Variants in VEZT observed in about 807,000 individuals in gnomAD.
The protein encoded by VEZT is vezatin, adherens junctions transmembrane protein, also known as vezatin.
Under a neutral mutation model 79.9 loss-of-function variants are expected in VEZT, and 39 were observed. The ratio of observed to expected loss-of-function variants is 0.49; its 90% CI spans 0.38 to 0.64. The LOEUF is 0.64. VEZT is among the 30% of genes least tolerant of loss of function. The pLI is 0.00. For missense variants in VEZT, 837 were observed against 893.1 expected, an observed-to-expected ratio of 0.94 and a Z score of 0.80; for synonymous variants, 325 against 327.6, an observed-to-expected ratio of 0.99 and a Z score of 0.09.
chr12:95,239,948 A>AAGAGAGAGAGAGAG (rs140000740), intron 1 of VEZT, among the ~76,000 whole-genome samples: 1 of 119,878 alleles, frequency 8.3e-6, no homozygotes, highest in Non-Finnish European at 1.7e-5. Flanking sequence ...GGAGACTCGA[A>AAGAGAGAGAGAGAG]AGAGAGAGAG....
At position 95,302,050 on chromosome 12, in the gene VEZT, C is replaced by T. The variant is rs2075272409; in HGVS notation, c.*1377C>T. 3 of 152,116 alleles carry T rather than the reference C, an allele frequency of 2.0e-5. No homozygotes were observed. In the South Asian group the frequency reaches 6.2e-4, roughly 32 times the overall value. The allele number at this position is 152,116 out of a possible 1,614,324, so 9.4% of individuals were successfully genotyped here. On this transcript the variant is annotated 3_prime_UTR_variant, in exon 12 of 12. Transcript: ENST00000436874. Reference sequence around the variant, plus strand: ...CTTCGGAGCAATACCTTAGGTTGGGCCTTGCTTTACTACTTAGAAATAGCT... The same window carrying T: ...CTTCGGAGCAATACCTTAGGTTGGGTCTTGCTTTACTACTTAGAAATAGCT...
At chr12:95,284,444 C>G (rs2070050406) in intron 8 of VEZT, among the ~76,000 whole-genome samples, 1 of 152,192 alleles carries the variant, frequency 6.6e-6, no homozygotes, top group South Asian at 2.1e-4. Flanking sequence ...CTCCCCACCT[C>G]CAGGGTGTGT....
chr12:95,249,125 T>G (rs1211462917), intron 1 of VEZT, among the ~76,000 whole-genome samples: 1 of 152,132 alleles, frequency 6.6e-6, no homozygotes, highest in African/African-American at 2.4e-5. Flanking sequence ...GCAAACTTGA[T>G]TAGTTGTGAC....
At chr12:95,245,671 G>C in intron 1 of VEZT, 1 of 410,104 alleles carries the variant, frequency 2.4e-6, no homozygotes, top group South Asian at 1.8e-5. Flanking sequence ...CAGTTTAAAA[G>C]AGTGAAGCTA....
In VEZT at chr12:95,266,537, A is replaced by G; in HGVS notation, c.615A>G (p.Glu205=). ...VTLKKYSVHL[E]DMATNSRAFT... ...TAAAAAAATACAGCGTTCATTTGGA[A>G]GATATGGCCACAAACAGCCGAGCTT... The change falls in exon 5 of 12, where the codon GAA becomes GAG. Residue 205 remains glutamate (E), a synonymous_variant. Transcript: ENST00000436874. 1 of 1,613,988 alleles carries G rather than the reference A, an allele frequency of 6.2e-7. No individual in the cohort carries two copies. Among genetic ancestry groups the G allele is most frequent in the Non-Finnish European group, 8.5e-7 (1 of 1,179,884 alleles).
chr12:95,263,201 T>A, intron 4 of VEZT, 120 bp downstream of exon 4: 1 of 954,660 alleles, frequency 1.0e-6, no homozygotes, highest in Non-Finnish European at 1.5e-6. Flanking sequence ...GCAGTACAAT[T>A]AAAGTAACAA....
At chr12:95,230,165 T>G (rs1178515095) in intron 1 of VEZT, among the ~76,000 whole-genome samples, 1 of 152,008 alleles carries the variant, frequency 6.6e-6, no homozygotes, top group Non-Finnish European at 1.5e-5. Flanking sequence ...TTTTGAGTAT[T>G]GCTTATAGTA....
intron 9 of VEZT, among the ~76,000 whole-genome samples, chr12:95,292,366 C>G (rs1455686276): frequency 6.6e-6 from 1 of 151,778 alleles, no homozygotes; most frequent in Non-Finnish European, 1.5e-5. Flanking sequence ...GGTTTTTTTT[C>G]TTTTCATTCA....
intron 9 of VEZT, among the ~76,000 whole-genome samples, chr12:95,289,417 C>CAAAAA (rs146728004): frequency 3.5e-3 from 242 of 69,250 alleles, no homozygotes; most frequent in East Asian, 7.1e-3. Flanking sequence ...ACTCTTGTCT[C>CAAAAA]AAAAAAAAAA....
intron 6 of VEZT, among the ~76,000 whole-genome samples, chr12:95,271,647 C>G (rs529177610): frequency 1.3e-3 from 195 of 152,358 alleles, no homozygotes; most frequent in African/African-American, 4.6e-3. Context: ...GGAGCACAGA[C>G]TGCCAGGCAA....
intron 3 of VEZT, chr12:95,258,148 G>A (rs984500981): frequency 2.3e-6 from 1 of 427,326 alleles, no homozygotes; most frequent in African/African-American, 2.1e-5. Flanking sequence ...AATCCAAATT[G>A]TCAAGTTCTT....
chr12:95,265,555 T>C (rs1415184160), intron 4 of VEZT, among the ~76,000 whole-genome samples: 1 of 151,662 alleles, frequency 6.6e-6, no homozygotes, highest in East Asian at 1.9e-4. Flanking sequence ...AAATCTCTAA[T>C]TTGCTTTTTA....
At chr12:95,291,633 G>A (rs570873460) in intron 9 of VEZT, among the ~76,000 whole-genome samples, 1 of 152,334 alleles carries the variant, frequency 6.6e-6, no homozygotes, top group East Asian at 1.9e-4. Context: ...CAGGCAGTGG[G>A]GCAGATTTGG....
At position 95,300,211 on chromosome 12, in the gene VEZT, T is replaced by G; in HGVS notation, c.1878T>G (p.Ser626Arg). 1 of 1,556,868 alleles carries G rather than the reference T, an allele frequency of 6.4e-7. No individual in the cohort carries two copies. Among genetic ancestry groups the G allele is most frequent in the Non-Finnish European group, 8.7e-7 (1 of 1,150,252 alleles). The change falls in exon 12 of 12, where the codon AGT becomes AGG. Residue 626 changes from serine to arginine, a missense_variant. Transcript: ENST00000436874. ...CTGTAGACCCAGTGGAACCCATAAG[T>G]AATTCAGAACCATCAATGAATTCAG... ...LSPVDPVEPISNSEPSMNSDM... is the reference protein window; with the variant it reads ...LSPVDPVEPIRNSEPSMNSDM...
chr12:95,228,787 T>C (rs2058844184), intron 1 of VEZT, among the ~76,000 whole-genome samples: 1 of 152,216 alleles, frequency 6.6e-6, no homozygotes, highest in Admixed American at 6.5e-5. Flanking sequence ...GAAGATCACA[T>C]GAACTCAGGA....
chr12:95,293,439 C>T (rs1223283043), intron 9 of VEZT, among the ~76,000 whole-genome samples: 2 of 151,966 alleles, frequency 1.3e-5, no homozygotes, highest in Admixed American at 6.6e-5. Flanking sequence ...TAATGATAGC[C>T]ACCTGGATAT....
rs1422957971 is a variant in VEZT at position 95,263,074 on chromosome 12, A to G, written c.427A>G (p.Asn143Asp). ...LPTLCSLATP[N>D]IWDLSMLFAF... is the part of the protein sequence containing the mutation. ...AACACTTTGCTCCCTGGCAACCCCT[A>G]ATATTTGGTACTGTCCAGAAAACAC... Residue 143 changes from asparagine (N) to aspartate (D), a missense_variant, in exon 4 of 12, where the codon AAT (asparagine) becomes GAT (aspartate). Physicochemically the swap from Asn to Asp is conservative, Grantham distance 23 (BLOSUM62 1). Transcript: ENST00000436874. 6.2e-7 allele frequency: 1 copy of G among 1,605,466 alleles called. No individual in the cohort carries two copies. Among genetic ancestry groups the G allele is most frequent in the East Asian group, 2.2e-5 (1 of 44,744 alleles).
chr12:95,236,524 G>T (rs1049456425), intron 1 of VEZT, among the ~76,000 whole-genome samples: 1 of 152,036 alleles, frequency 6.6e-6, no homozygotes, highest in Admixed American at 6.5e-5. Flanking sequence ...AAGAATCTTT[G>T]CAGCCAGTTT....
At chr12:95,251,461 T>G (rs571378388) in intron 1 of VEZT, among the ~76,000 whole-genome samples, 82 of 152,344 alleles carry the variant, frequency 5.4e-4, no homozygotes, top group African/African-American at 1.9e-3. Flanking sequence ...TGGTAGATAA[T>G]ACGTATTTGT....
Sources: allele counts gnomAD v4.1 joint callset (sites outside exome capture counted in the v4.1 genomes callset), GRCh38; gene constraint gnomAD v4.1.1; transcripts MANE v1.5; gene names NCBI Gene and HGNC (gene_info 2026-07-23, HGNC 2026-07-21).